The following CTSG variants were observed in gnomAD, a reference collection of about 807,000 sequenced individuals.
CTSG encodes cathepsin G.
A neutral mutation model predicts 23.0 loss-of-function variants in CTSG; 23 were observed. The ratio of observed to expected loss-of-function variants is 1.00; its 90% CI spans 0.72 to 1.42. The LOEUF is 1.42. Among genes scored for constraint, CTSG ranks in the 40% most tolerant of loss-of-function variants. The probability of loss-of-function intolerance (pLI) is 0.00; values close to 1 mark genes in which losing one functional copy is unlikely to be tolerated. For synonymous variants in CTSG, 140 were observed against 130.4 expected (o/e 1.07, Z -0.50); for missense variants, 312 against 326.2 (o/e 0.96, Z 0.33).
At chr14:24,575,985 T>G (rs1321706280) in intron 1 of CTSG, among the ~76,000 whole-genome samples, 184 bp downstream of exon 1, 1 of 152,236 alleles carries the variant, frequency 6.6e-6, no homozygotes, top group Non-Finnish European at 1.5e-5. Flanking sequence ...TTAAATACTC[T>G]AACTTATTTA....
In CTSG at chr14:24,575,268, C is replaced by T. The variant is rs1276575139; in HGVS notation, c.200G>A (p.Gly67Glu). ...AGGAAGTTCCTTAGCTCCTCACCTT[C>T]CCCAGCAATGAGCTGCTGTCAGCAC... The part of the protein sequence containing the change: ...DFVLTAAHCW[G>E]SNINVTLGAH... Residue 67 changes from glycine to glutamate, a missense_variant, in exon 2 of 5, where the codon GGA becomes GAA. Physicochemically the swap from Gly to Glu is moderately conservative, Grantham distance 98 (BLOSUM62 -2). Transcript: ENST00000216336. The T allele has an allele frequency of 1.9e-6, 3 of 1,613,990 alleles. No homozygotes were observed. Among genetic ancestry groups the T allele is most frequent in the Non-Finnish European group, 1.7e-6 (2 of 1,180,010 alleles).
At position 24,575,253 on chromosome 14, in the gene CTSG, T is replaced by C. The variant is rs1483620908; in HGVS notation, c.203+12A>G. The C allele has an allele frequency of 6.2e-7, 1 of 1,613,862 alleles. No individual in the cohort carries two copies. The highest frequency in any genetic ancestry group is 8.5e-7 in the Non-Finnish European group (1 of 1,179,950). ...TGTTCCTGGCTGGCCAGGAAGTTCC[T>C]TAGCTCCTCACCTTCCCCAGCAATG... On this transcript the variant is annotated intron_variant, in intron 2 of 4. Coordinates refer to ENST00000216336, the MANE Select transcript of CTSG (RefSeq NM_001911.3).
chr14:24,574,116 G>T, intron 4 of CTSG, 129 bp downstream of exon 4: 1 of 1,235,580 alleles, frequency 8.1e-7, no homozygotes, highest in Non-Finnish European at 1.1e-6. Context: ...GGTTGATGGG[G>T]AAAACAATCC....
rs577683614 is a variant in CTSG, at chr14:24,574,943, C to G, written c.204-133G>C. 7.0e-6 allele frequency: 8 copies of G among 1,150,732 alleles called. No homozygotes were observed. In the East Asian group the frequency reaches 1.7e-4, roughly 24 times the overall value. The allele number at this position is 1,150,732 out of a possible 1,614,324, so 71.3% of individuals were successfully genotyped here. ...GGGATGGGAGGGCCCTGGGGCTCAGCTGTATCCTCTTTCTCAGCAGCTCTG... is the reference window on the plus strand; with the variant it reads ...GGGATGGGAGGGCCCTGGGGCTCAGGTGTATCCTCTTTCTCAGCAGCTCTG... On this transcript the variant is annotated intron_variant, in intron 2 of 4. Transcript: ENST00000216336.
intron 1 of CTSG, 28 bp from the exon 2 acceptor site, chr14:24,575,440 C>G: frequency 3.1e-6 from 5 of 1,613,310 alleles, no homozygotes; most frequent in South Asian, 1.1e-5. Context: ...GCACTTAGCT[C>G]TATGCTTGCT....
rs1307900483 is a variant in CTSG at position 24,576,155 on chromosome 14, G to A, written c.55+14C>T. On this transcript the variant is annotated intron_variant, in intron 1 of 4. Transcript: ENST00000216336. ...GATGAGGTCAGGCCTCTGAGGGTGG[G>A]GATGGTCACTCACCTGCCTCAGCCC... 6.2e-7 allele frequency: 1 copy of A among 1,606,828 alleles called. No homozygotes were observed. The highest frequency in any genetic ancestry group is 1.7e-5 in the Admixed American group (1 of 59,154).
At chr14:24,576,122 A>C in intron 1 of CTSG, 47 bp downstream of exon 1, 1 of 1,566,606 alleles carries the variant, frequency 6.4e-7, no homozygotes, top group South Asian at 1.2e-5. Context: ...TGGCTCAAGA[A>C]TCTATGGGAT....
chr14:24,574,957 T>G (rs1022632533), intron 2 of CTSG, 147 bp from the exon 3 acceptor site: 1 of 1,031,358 alleles, frequency 9.7e-7, no homozygotes, highest in Non-Finnish European at 1.4e-6. Context: ...ATCCTCTTTC[T>G]CAGCAGCTCT....
At position 24,575,400 on chromosome 14, in the gene CTSG, C is replaced by T; in HGVS notation, c.68G>A (p.Gly23Glu). Residue 23 changes from glycine to glutamate, a missense_variant, in exon 2 of 5, where the codon GGA (glycine) becomes GAA (glutamate). Transcript: ENST00000216336. ...GGAGTGGGGCCTGCTCTCCCGGCCT[C>T]CGATGATCTCCCCTGGAAGGAAGCA... ...PTGAEAGEII[G>E]GRESRPHSRP... 1 of 1,614,144 alleles carries T rather than the reference C, an allele frequency of 6.2e-7. No individual in the cohort carries two copies. Among genetic ancestry groups the T allele is most frequent in the Non-Finnish European group, 8.5e-7 (1 of 1,180,032 alleles).
rs775309965 is a variant in CTSG at position 24,574,442 on chromosome 14, G to A, written c.397C>T (p.Gln133Ter). Residue 133 changes from glutamine to a stop codon, truncating the protein, a stop_gained, in exon 4 of 5, where the codon CAG becomes TAG. Transcript: ENST00000216336. LOFTEE classifies it high-confidence loss of function. ...NVNPVALPRA[Q>*]EGLRPGTLCT... Reference sequence around the variant, plus strand: ...AGCGTCCCGGGTCTCAGTCCCTCCTGGGCTCTAGGCAGAGCCACTGGGTTC... The same window carrying A: ...AGCGTCCCGGGTCTCAGTCCCTCCTAGGCTCTAGGCAGAGCCACTGGGTTC... The A allele has an allele frequency of 6.2e-7, 1 of 1,613,884 alleles. No homozygotes were observed. Among genetic ancestry groups the A allele is most frequent in the South Asian group, 1.1e-5 (1 of 91,074 alleles).
rs1417544108 is a variant in CTSG, at chr14:24,574,220, G to T, written c.594+25C>A. On this transcript the variant is annotated intron_variant, in intron 4 of 4. Transcript: ENST00000216336. ...TGCACGGGCCCCTCTCTCCCGGGGT[G>T]TGTTGGCCAATGCCCATGCCTTACC... is the stretch of plus-strand genomic sequence containing the variant. 3.8e-6 allele frequency: 6 copies of T among 1,598,896 alleles called. 1 individual carries two copies. The South Asian group carries it at 6.6e-5, about 18-fold the overall frequency.
At chr14:24,573,865 C>T in intron 4 of CTSG, 55 bp from the exon 5 acceptor site, 1 of 1,529,984 alleles carries the variant, frequency 6.5e-7, no homozygotes, top group Non-Finnish European at 8.9e-7. Context: ...TCCTGCTTCC[C>T]TGAGCTCCGG....
chr14:24,573,933 G>T, intron 4 of CTSG, 123 bp from the exon 5 acceptor site: 1 of 900,000 alleles, frequency 1.1e-6, no homozygotes, highest in Non-Finnish European at 1.7e-6. Context: ...TGTGTGAGAT[G>T]GAAGATCGGT....
intron 4 of CTSG, 105 bp from the exon 5 acceptor site, chr14:24,573,915 G>T: frequency 1.9e-6 from 2 of 1,044,432 alleles, no homozygotes; most frequent in Non-Finnish European, 1.4e-6. Flanking sequence ...CCCTTCAATT[G>T]CTGGGTGTGT....
chr14:24,575,358 T>C lies in CTSG; in HGVS notation c.110A>G (p.Tyr37Cys), dbSNP rs112407280. 1 of 1,614,184 alleles carries C rather than the reference T, an allele frequency of 6.2e-7. No individual in the cohort carries two copies. The highest frequency in any genetic ancestry group is 2.2e-5 in the East Asian group (1 of 44,878). Residue 37 changes from tyrosine to cysteine, a missense_variant, in exon 2 of 5, where the codon TAT (tyrosine) becomes TGT (cysteine). Physicochemically the swap from Tyr to Cys is radical, Grantham distance 194. Coordinates refer to ENST00000216336, the MANE Select transcript of CTSG (RefSeq NM_001911.3). ...ACCTGCTGGACTCTGGATCTGAAGA[T>C]ACGCCATGTAGGGGCGGGAGTGGGG... is the stretch of plus-strand genomic sequence containing the variant. Reference protein sequence around the residue: ...SRPHSRPYMAYLQIQSPAGQS... With the variant: ...SRPHSRPYMACLQIQSPAGQS...
In CTSG at chr14:24,574,554, G is replaced by C. The variant is rs529174742; in HGVS notation, c.340-55C>G. ...AGCTGGGGCCTCCAGCCAAGGCTCG[G>C]GGGTCGCTGGTGCAGTACACATCCC... On this transcript the variant is annotated intron_variant, in intron 3 of 4. Transcript: ENST00000216336. 7 of 1,611,590 alleles carry C rather than the reference G, an allele frequency of 4.3e-6. No individual in the cohort carries two copies. In the African/African-American group the frequency reaches 9.3e-5, roughly 21 times the overall value.
chr14:24,576,212 G>A lies in CTSG; in HGVS notation c.12C>T (p.Leu4=), dbSNP rs1168796471. Reference sequence around the variant, plus strand: ...GTAGGAGAAAGGCCAGCAGAAGCAGGAGTGGCTGCATCTTTCCTGAAAGGC... The same window carrying A: ...GTAGGAGAAAGGCCAGCAGAAGCAGAAGTGGCTGCATCTTTCCTGAAAGGC... MQP[L]LLLLAFLLPT... The change falls in exon 1 of 5, where the codon CTC becomes CTT. Residue 4 remains leucine, a synonymous_variant. Transcript: ENST00000216336. 6.2e-7 allele frequency: 1 copy of A among 1,608,924 alleles called. No homozygotes were observed. The highest frequency in any genetic ancestry group is 8.5e-7 in the Non-Finnish European group (1 of 1,177,970).
chr14:24,573,873 C>A, intron 4 of CTSG, 63 bp from the exon 5 acceptor site: 1 of 1,496,414 alleles, frequency 6.7e-7, no homozygotes, highest in Non-Finnish European at 9.1e-7. Flanking sequence ...CCCTGAGCTC[C>A]GGGCTCTCAG....
In CTSG at chr14:24,574,121, C is replaced by G. The variant is rs982671648; in HGVS notation, c.594+124G>C. ...CCAGAGACCAGGTTGATGGGGAAAA[C>G]AATCCCCAGCCCACCCTGGTCTGGC... On this transcript the variant is annotated intron_variant, in intron 4 of 4. Coordinates refer to ENST00000216336, the MANE Select transcript of CTSG (RefSeq NM_001911.3). 6 of 1,283,486 alleles carry G rather than the reference C, an allele frequency of 4.7e-6. No homozygotes were observed. In the Middle Eastern group the frequency reaches 7.2e-4, roughly 153 times the overall value. The allele number at this position is 1,283,486 out of a possible 1,614,324, so 79.5% of individuals were successfully genotyped here. A position where few individuals can be genotyped will look rare whatever the true frequency, so the allele number is the denominator to read the frequency against.
Sources: allele counts gnomAD v4.1 joint callset (sites outside exome capture counted in the v4.1 genomes callset), GRCh38; gene constraint gnomAD v4.1.1; transcripts MANE v1.5; gene names NCBI Gene and HGNC (gene_info 2026-07-23, HGNC 2026-07-21).